HMCN1: variants seen among roughly 807,000 people sequenced by gnomAD.
HMCN1 encodes hemicentin 1.
HMCN1 carries 321 observed loss-of-function variants against 625.9 expected under a neutral mutation model. The observed-to-expected ratio is 0.51, with a 90% CI of 0.47 to 0.56. The LOEUF (loss-of-function observed/expected upper bound fraction) is 0.56, where lower values mean the gene tolerates loss of function less well. HMCN1 is among the 20% of genes least tolerant of loss of function. The probability of loss-of-function intolerance (pLI) is 0.00; values close to 1 mark genes in which losing one functional copy is unlikely to be tolerated. For missense variants in HMCN1, 6,588 were observed against 6,887.3 expected (o/e 0.96, Z 1.54); for synonymous variants, 2,425 against 2,417.6 (o/e 1.00, Z -0.09).
In HMCN1 at chr1:186,094,389, A is replaced by T. The variant is rs1030468432; in HGVS notation, c.10294+16A>T. ...CAAGTGTTTGGTATGTGTCACAGAA[A>T]TGACCCTATTACTTTGCTATGTCAA... is the stretch of plus-strand genomic sequence containing the variant. On this transcript the variant is annotated intron_variant, in intron 67 of 106. Transcript: ENST00000271588. 3 of 1,576,282 alleles carry T rather than the reference A, an allele frequency of 1.9e-6. No homozygotes were observed. In the African/African-American group the frequency reaches 4.0e-5, roughly 21 times the overall value.
intron 20 of HMCN1, 87 bp from the exon 21 acceptor site, chr1:185,989,401 A>G (rs1482822314): frequency 3.4e-6 from 5 of 1,488,590 alleles, no homozygotes; most frequent in Non-Finnish European, 4.7e-6. Flanking sequence ...TTTTCTCTCT[A>G]TTCCTCTTCC....
At chr1:185,792,292 T>A (rs972125492) in intron 1 of HMCN1, among the ~76,000 whole-genome samples, 1 of 152,188 alleles carries the variant, frequency 6.6e-6, no homozygotes, top group East Asian at 1.9e-4. Context: ...ATCACAGACT[T>A]ATGGTAAGTG....
At chr1:185,975,749 TA>T (rs1651161891) in intron 15 of HMCN1, among the ~76,000 whole-genome samples, 1 of 152,188 alleles carries the variant, frequency 6.6e-6, no homozygotes, top group African/African-American at 2.4e-5. Flanking sequence ...GATTTATTTA[TA>T]AAAATATATT....
chr1:186,064,446 TG>T (rs1262411735), intron 48 of HMCN1, among the ~76,000 whole-genome samples: 1 of 152,104 alleles, frequency 6.6e-6, no homozygotes, highest in Non-Finnish European at 1.5e-5. Flanking sequence ...TCAAAATATC[TG>T]CATGTTGAAT....
intron 103 of HMCN1, among the ~76,000 whole-genome samples, chr1:186,177,546 G>T (rs1245266549): frequency 6.6e-6 from 1 of 152,156 alleles, no homozygotes; most frequent in Non-Finnish European, 1.5e-5. Flanking sequence ...ATATGATATG[G>T]TTTACATTTG....
intron 6 of HMCN1, among the ~76,000 whole-genome samples, chr1:185,914,295 A>G (rs1319993543): frequency 6.6e-6 from 1 of 152,116 alleles, no homozygotes; most frequent in East Asian, 1.9e-4. Context: ...TTACATGTGC[A>G]CTTTCTCAAG....
At chr1:186,175,317 T>C (rs1285291131) in intron 103 of HMCN1, among the ~76,000 whole-genome samples, 1 of 152,200 alleles carries the variant, frequency 6.6e-6, no homozygotes, top group Non-Finnish European at 1.5e-5. Context: ...TAAAATAATG[T>C]TGTGGGCTTT....
intron 1 of HMCN1, among the ~76,000 whole-genome samples, chr1:185,739,378 A>C (rs1653819588): frequency 6.6e-6 from 1 of 152,168 alleles, no homozygotes; most frequent in African/African-American, 2.4e-5. Context: ...AGCACTCAAA[A>C]TATATTCCTC....
At chr1:185,795,050 T>C (rs887592622) in intron 1 of HMCN1, among the ~76,000 whole-genome samples, 2 of 152,240 alleles carry the variant, frequency 1.3e-5, no homozygotes, top group African/African-American at 4.8e-5. Flanking sequence ...GAAGGAACTA[T>C]GCATGTATGT....
chr1:186,084,010 T>C (rs1291448238), intron 57 of HMCN1, among the ~76,000 whole-genome samples: 1 of 152,170 alleles, frequency 6.6e-6, no homozygotes, highest in Non-Finnish European at 1.5e-5. Flanking sequence ...GTGCAGTAAA[T>C]ATTGGAAAAT....
intron 1 of HMCN1, among the ~76,000 whole-genome samples, chr1:185,750,093 T>A (rs765162568): frequency 6.6e-6 from 1 of 152,204 alleles, no homozygotes; most frequent in Non-Finnish European, 1.5e-5. Flanking sequence ...TCTTTAGAGA[T>A]GATGTGAATT....
rs115867313 is a variant in HMCN1, at chr1:185,901,836, T to C, written c.622-7501T>C. ...CTAAAAACCAGATCGTAGACTGTACTAAATTGTTCTTTGAAATGAGGTCTA... is the reference window on the plus strand; with the variant it reads ...CTAAAAACCAGATCGTAGACTGTACCAAATTGTTCTTTGAAATGAGGTCTA... On this transcript the variant is annotated intron_variant, in intron 4 of 106. Transcript: ENST00000271588. Among the ~76,000 whole-genome samples the C allele has an allele frequency of 9.2e-3, 1,400 of 151,952 alleles. 29 individuals are homozygous for C. The highest frequency in any genetic ancestry group is 0.033 in the African/African-American group (1,351 of 41,516).
intron 11 of HMCN1, among the ~76,000 whole-genome samples, chr1:185,937,280 A>G (rs1202566215): frequency 1.3e-5 from 2 of 152,190 alleles, no homozygotes; most frequent in Non-Finnish European, 2.9e-5. Context: ...ACAGAAATTT[A>G]TTGGCTCACA....
chr1:185,977,277 A>C (rs190022388), intron 15 of HMCN1, among the ~76,000 whole-genome samples: 85 of 152,288 alleles, frequency 5.6e-4, no homozygotes, highest in African/African-American at 1.9e-3. Flanking sequence ...AAGCAAGAAT[A>C]TGATATTGAA....
At chr1:185,899,755 C>G (rs1388769722) in intron 4 of HMCN1, among the ~76,000 whole-genome samples, 1 of 151,990 alleles carries the variant, frequency 6.6e-6, no homozygotes, top group Admixed American at 6.6e-5. Flanking sequence ...ATGGCAAATC[C>G]CAAATGAATG....
intron 43 of HMCN1, 50 bp from the exon 44 acceptor site, chr1:186,053,775 A>G: frequency 6.3e-7 from 1 of 1,594,794 alleles, no homozygotes; most frequent in Non-Finnish European, 8.6e-7. Context: ...AATGTATACA[A>G]AATGCTTTAC....
chr1:185,955,586 ATAT>A lies in HMCN1; in HGVS notation c.1829-6927_1829-6925del, dbSNP rs1214950074. On this transcript the variant is annotated intron_variant, in intron 11 of 106. Transcript: ENST00000271588. ...CAGATTAATTCTTTCATATCATAAA[ATAT>A]TATTGATGCTGCTAATTTTATAGTC... Among the ~76,000 whole-genome samples the A allele has an allele frequency of 3.3e-5, 5 of 152,218 alleles. No individual in the cohort carries two copies. In the East Asian group the frequency reaches 9.6e-4, roughly 29 times the overall value.
chr1:185,924,919 T>A, intron 8 of HMCN1, 128 bp from the exon 9 acceptor site: 1 of 867,358 alleles, frequency 1.2e-6, no homozygotes, highest in Non-Finnish European at 1.9e-6. Context: ...TCTGGGTTAA[T>A]TGGAATGCAG....
chr1:186,135,982 A>C (rs1649576330), intron 86 of HMCN1, among the ~76,000 whole-genome samples: 1 of 152,148 alleles, frequency 6.6e-6, no homozygotes, highest in Admixed American at 6.5e-5. Context: ...CTTTCAGTAC[A>C]TGTTTATTGA....
Sources: gnomAD v4.1 joint callset for allele counts (sites outside exome capture counted in the v4.1 genomes callset) on GRCh38, gnomAD v4.1.1 for gene constraint, MANE v1.5 for transcripts, NCBI Gene and HGNC (gene_info 2026-07-23, HGNC 2026-07-21) for gene names.